The following ZNF473 variants were observed in gnomAD, a reference collection of about 807,000 sequenced individuals.
The protein encoded by ZNF473 is zinc finger protein 473.
ZNF473 carries 4 observed loss-of-function variants against 11.1 expected under a neutral mutation model. The observed-to-expected ratio is 0.36, with a 90% CI of 0.18 to 0.82. ZNF473 has a LOEUF of 0.82. Ranked by LOEUF, ZNF473 falls within the 40% of genes least tolerant of loss-of-function variation. ZNF473 has a pLI of 0.49. For missense variants in ZNF473, 854 were observed against 1,084.0 expected, an observed-to-expected ratio of 0.79 and a Z score of 2.98; for synonymous variants, 404 against 390.4, an observed-to-expected ratio of 1.03 and a Z score of -0.41.
rs200906605 is a variant in ZNF473, at chr19:50,030,942, C to T, written c.-141C>T. 9.2e-5 allele frequency: 116 copies of T among 1,257,062 alleles called. No individual in the cohort carries two copies. Among genetic ancestry groups the T allele is most frequent in the African/African-American group, 1.0e-4 (7 of 67,368 alleles). 77.9% of individuals were successfully genotyped at this position (1,257,062 alleles called of 1,614,324 possible). A position where few individuals can be genotyped will look rare whatever the true frequency, so the allele number is the denominator to read the frequency against. Reference sequence around the variant, plus strand: ...CCTCCTCCTGGACATTTTGGGGGCTCGTCAGCATGGACAGCGAGTCAGCCA... The same window carrying T: ...CCTCCTCCTGGACATTTTGGGGGCTTGTCAGCATGGACAGCGAGTCAGCCA... On this transcript the variant is annotated 5_prime_UTR_variant, in exon 2 of 5. Transcript: ENST00000270617.
rs1399109507 is a variant in ZNF473 at position 50,031,010 on chromosome 19, A to G, written c.-73A>G. 2 of 1,550,042 alleles carry G rather than the reference A, an allele frequency of 1.3e-6. No individual in the cohort carries two copies. The highest frequency in any genetic ancestry group is 1.7e-6 in the Non-Finnish European group (2 of 1,145,762). ...TTCTCACAGCTCCCTTGTGCTTCCCACAGCCCTGCCAGCCGGGAACACGGA... is the reference window on the plus strand; with the variant it reads ...TTCTCACAGCTCCCTTGTGCTTCCCGCAGCCCTGCCAGCCGGGAACACGGA... On this transcript the variant is annotated 5_prime_UTR_variant, in exon 2 of 5. Coordinates refer to ENST00000270617, the MANE Select transcript of ZNF473 (RefSeq NM_015428.4).
intron 2 of ZNF473, among the ~76,000 whole-genome samples, chr19:50,038,562 G>A (rs2122829957): frequency 6.6e-6 from 1 of 152,340 alleles, no homozygotes; most frequent in South Asian, 2.1e-4. Context: ...CATGGAGGAT[G>A]TAGAAGGCAC....
At position 50,045,142 on chromosome 19, in the gene ZNF473, G is replaced by A; in HGVS notation, c.699G>A (p.Arg233=). ...RLTQHWITHT[R]EKPTVHQECE... ...CCCAGCACTGGATCACTCATACTAG[G>A]GAGAAACCCACTGTCCATCAAGAGT... Residue 233 remains arginine, a synonymous_variant, in exon 5 of 5, where the codon AGG becomes AGA. Coordinates refer to ENST00000270617, the MANE Select transcript of ZNF473 (RefSeq NM_015428.4). The A allele has an allele frequency of 6.2e-7, 1 of 1,614,186 alleles. No homozygotes were observed. The highest frequency in any genetic ancestry group is 8.5e-7 in the Non-Finnish European group (1 of 1,180,042).
chr19:50,046,660 C>T lies in ZNF473; in HGVS notation c.2217C>T (p.Phe739=), dbSNP rs779467075. The T allele has an allele frequency of 2.8e-5, 46 of 1,614,084 alleles. No individual in the cohort carries two copies. The highest frequency in any genetic ancestry group is 6.7e-5 in the African/African-American group (5 of 74,930). The change falls in exon 5 of 5, where the codon TTC becomes TTT. Residue 739 remains phenylalanine (F), a synonymous_variant. Coordinates refer to ENST00000270617, the MANE Select transcript of ZNF473 (RefSeq NM_015428.4). The surrounding 1 kb of genome is among the most constrained non-coding windows in gnomAD (Gnocchi z 5.9). ...PYVCDYCGKA[F]GLSAELVRHQ... is the part of the protein sequence containing the mutation. ...TATGTGATTACTGCGGGAAGGCCTT[C>T]GGCCTGAGTGCTGAGCTTGTCCGCC... is the stretch of plus-strand genomic sequence containing the variant.
intron 2 of ZNF473, among the ~76,000 whole-genome samples, chr19:50,036,416 C>T (rs1397515523): frequency 7.1e-6 from 1 of 140,696 alleles, no homozygotes; most frequent in Non-Finnish European, 1.5e-5. Context: ...CAGGTTCATG[C>T]CATTCTCCTG....
In ZNF473 at chr19:50,047,588, TAC is replaced by T. The variant is rs1314498884; in HGVS notation, c.*531_*532del. 5 of 153,378 alleles carry T rather than the reference TAC, an allele frequency of 3.3e-5. No individual in the cohort carries two copies. The highest frequency in any genetic ancestry group is 1.2e-4 in the African/African-American group (5 of 41,472). 9.5% of individuals were successfully genotyped at this position (153,378 alleles called of 1,614,324 possible). On this transcript the variant is annotated 3_prime_UTR_variant, in exon 5 of 5. Coordinates refer to ENST00000270617, the MANE Select transcript of ZNF473 (RefSeq NM_015428.4). Reference sequence around the variant, plus strand: ...GCTTTTAATTTAAGTTTTCCTTTTTTACAGTTTTTCTCCAGCACTTTACTCTT... The same window carrying T: ...GCTTTTAATTTAAGTTTTCCTTTTTTAGTTTTTCTCCAGCACTTTACTCTT...
At position 50,045,332 on chromosome 19, in the gene ZNF473, A is replaced by G. The variant is rs770653850; in HGVS notation, c.889A>G (p.Ser297Gly). 8 of 1,614,144 alleles carry G rather than the reference A, an allele frequency of 5.0e-6. No individual in the cohort carries two copies. The highest frequency in any genetic ancestry group is 6.8e-6 in the Non-Finnish European group (8 of 1,180,028). The change falls in exon 5 of 5, where the codon AGT becomes GGT. Residue 297 changes from serine (S) to glycine (G), a missense_variant. Coordinates refer to ENST00000270617, the MANE Select transcript of ZNF473 (RefSeq NM_015428.4). Reference protein sequence around the residue: ...TGEKPCKSQDSDHPPSHDTQP... With the variant: ...TGEKPCKSQDGDHPPSHDTQP... ...AGAAAAACCATGTAAGAGTCAAGATAGTGACCACCCACCCAGTCATGACAC... is the reference window on the plus strand; with the variant it reads ...AGAAAAACCATGTAAGAGTCAAGATGGTGACCACCCACCCAGTCATGACAC...
chr19:50,046,049 G>A lies in ZNF473; in HGVS notation c.1606G>A (p.Val536Ile), dbSNP rs1459355739. ...CGSTLKCHES[V>I]HAREKQGFFV... ...CTCAACCCTGAAGTGCCACGAGAGT[G>A]TTCACGCCAGAGAAAAACAAGGATT... The change falls in exon 5 of 5, where the codon GTT (valine) becomes ATT (isoleucine). Residue 536 changes from valine (V) to isoleucine (I), a missense_variant. Around this residue, in one of 2 missense-constraint regions of ZNF473, gnomAD observed 668 missense variants for 790.2 expected, o/e 0.85. Transcript: ENST00000270617. This position sits in a 1 kb window ranked among gnomAD's most constrained non-coding sequence, Gnocchi z 5.9. 1 of 1,614,108 alleles carries A rather than the reference G, an allele frequency of 6.2e-7. No homozygotes were observed. The highest frequency in any genetic ancestry group is 2.2e-5 in the East Asian group (1 of 44,896).
At chr19:50,026,456 C>T (rs8109020) in intron 1 of ZNF473, among the ~76,000 whole-genome samples, 1 of 151,160 alleles carries the variant, frequency 6.6e-6, no homozygotes, top group South Asian at 2.1e-4. Flanking sequence ...GAGGCTGAGG[C>T]AGGAGAATCG....
chr19:50,040,847 GT>G (rs1378449397), intron 3 of ZNF473, among the ~76,000 whole-genome samples: 4 of 152,276 alleles, frequency 2.6e-5, no homozygotes, highest in African/African-American at 9.6e-5. Flanking sequence ...TGGCCAGTGT[GT>G]GCTAAGAAGC....
Position 50,045,432 on chromosome 19 carries a change from C to T in ZNF473, c.989C>T (p.Thr330Ile). 1 of 1,614,110 alleles carries T rather than the reference C, an allele frequency of 6.2e-7. No homozygotes were observed. Among genetic ancestry groups the T allele is most frequent in the Non-Finnish European group, 8.5e-7 (1 of 1,180,012 alleles). ...YNCNECGKAF[T>I]RIFHLTRHQK... Reference sequence around the variant, plus strand: ...TGTAACGAATGCGGCAAGGCTTTTACCCGGATCTTCCACCTTACTCGGCAC... The same window carrying T: ...TGTAACGAATGCGGCAAGGCTTTTATCCGGATCTTCCACCTTACTCGGCAC... The change falls in exon 5 of 5, where the codon ACC becomes ATC. Residue 330 changes from threonine (T) to isoleucine (I), a missense_variant. By Grantham distance (89) the Thr-to-Ile change is moderately conservative. Coordinates refer to ENST00000270617, the MANE Select transcript of ZNF473 (RefSeq NM_015428.4).
intron 2 of ZNF473, among the ~76,000 whole-genome samples, chr19:50,032,884 T>A (rs140550575): frequency 6.6e-6 from 1 of 152,326 alleles, no homozygotes; most frequent in African/African-American, 2.4e-5. Flanking sequence ...GTCCTCCCTG[T>A]ATCTTCACAT....
chr19:50,035,969 C>CT (rs138667481), intron 2 of ZNF473, among the ~76,000 whole-genome samples: 21,582 of 148,928 alleles, frequency 0.14, 1,748 homozygotes, highest in African/African-American at 0.2. Context: ...CTTTGAAACT[C>CT]TTTTTTTTTT....
intron 4 of ZNF473, among the ~76,000 whole-genome samples, chr19:50,044,295 G>A (rs186421637): frequency 6.6e-6 from 1 of 152,300 alleles, no homozygotes; most frequent in East Asian, 1.9e-4. Context: ...TGGATGGATG[G>A]TGGTGTGGGG....
At position 50,041,812 on chromosome 19, in the gene ZNF473, A is replaced by C. The variant is rs748081520; in HGVS notation, c.219A>C (p.Thr73=). Residue 73 remains threonine, a synonymous_variant, in exon 4 of 5, where the codon ACA becomes ACC. Coordinates refer to ENST00000270617, the MANE Select transcript of ZNF473 (RefSeq NM_015428.4). The part of the protein sequence containing the change: ...EPLAGGSPEA[T]SPDVTETKNS... The stretch of plus-strand genomic sequence containing the variant: ...TGGCAGGAGGAAGCCCAGAAGCAAC[A>C]AGCCCTGGTGAGTGGATGGAGAGGG... The C allele has an allele frequency of 1.1e-5, 17 of 1,612,072 alleles. No homozygotes were observed. Among genetic ancestry groups the C allele is most frequent in the Non-Finnish European group, 1.4e-5 (17 of 1,179,096 alleles).
rs16981716 is a variant in ZNF473 at position 50,047,794 on chromosome 19, T to G, written c.*735T>G. 6.6e-6 allele frequency: 1 copy of G among 152,228 alleles called. No homozygotes were observed. Among genetic ancestry groups the G allele is most frequent in the Non-Finnish European group, 1.5e-5 (1 of 68,048 alleles). 9.4% of individuals were successfully genotyped at this position (152,228 alleles called of 1,614,324 possible). ...CCCACAAACACATGCTCCCTCTTCC[T>G]ATGACCTTCCTCCATTTAACAGTGT... is the stretch of plus-strand genomic sequence containing the variant. On this transcript the variant is annotated 3_prime_UTR_variant, in exon 5 of 5. Coordinates refer to ENST00000270617, the MANE Select transcript of ZNF473 (RefSeq NM_015428.4).
chr19:50,038,409 C>T (rs1978588829), intron 2 of ZNF473, among the ~76,000 whole-genome samples: 1 of 152,034 alleles, frequency 6.6e-6, no homozygotes, highest in South Asian at 2.1e-4. Flanking sequence ...GTGAGTGGGT[C>T]TTTCCCCCAG....
chr19:50,047,338 C>T lies in ZNF473; in HGVS notation c.*279C>T, dbSNP rs1349119275. 2.7e-6 allele frequency: 1 copy of T among 368,942 alleles called. No individual in the cohort carries two copies. The highest frequency in any genetic ancestry group is 3.6e-5 in the South Asian group (1 of 27,934). 22.9% of individuals were successfully genotyped at this position (368,942 alleles called of 1,614,324 possible). On this transcript the variant is annotated 3_prime_UTR_variant, in exon 5 of 5. Coordinates refer to ENST00000270617, the MANE Select transcript of ZNF473 (RefSeq NM_015428.4). ...CCTTGGGAAGGTCAGAAAAATCTCT[C>T]AGGGCCTCGGTGTCCTTATCTGTAA...
intron 1 of ZNF473, among the ~76,000 whole-genome samples, chr19:50,027,244 A>T (rs1382293040): frequency 1.3e-5 from 2 of 152,202 alleles, no homozygotes; most frequent in Non-Finnish European, 2.9e-5. Flanking sequence ...GAATATTCAC[A>T]CTTATGAGAA....
Sources: gnomAD v4.1 joint callset for allele counts (sites outside exome capture counted in the v4.1 genomes callset) on GRCh38, gnomAD v4.1.1 for gene constraint, gnomAD v4.1.1 regional missense constraint, Gnocchi (gnomAD v3.1) non-coding constraint, MANE v1.5 for transcripts, NCBI Gene and HGNC (gene_info 2026-07-23, HGNC 2026-07-21) for gene names.